CLUAP1: variants seen among roughly 807,000 people sequenced by gnomAD.
The protein encoded by CLUAP1 is intraflagellar transport 38, also known as clusterin-associated protein 1.
A neutral mutation model predicts 55.0 loss-of-function variants in CLUAP1; 50 were observed. The ratio of observed to expected loss-of-function variants is 0.91; its 90% CI spans 0.72 to 1.15. The LOEUF (loss-of-function observed/expected upper bound fraction) is 1.15, where lower values mean the gene tolerates loss of function less well. CLUAP1 is among the 50% of genes most tolerant of loss of function. The pLI is 0.00. For missense variants in CLUAP1, 530 were observed against 507.6 expected (o/e 1.04, Z -0.42); for synonymous variants, 195 against 175.4 (o/e 1.11, Z -0.88).
At chr16:3,530,424 A>G in intron 9 of CLUAP1, 144 bp from the exon 10 acceptor site, 4 of 649,228 alleles carry the variant, frequency 6.2e-6, no homozygotes, top group South Asian at 5.3e-5. Context: ...TTTGCATTGC[A>G]TGGGATAAGG....
chr16:3,498,941 G>T (rs529734418), upstream of CLUAP1, among the ~76,000 whole-genome samples: 16 of 151,996 alleles, frequency 1.1e-4, no homozygotes, highest in African/African-American at 3.9e-4. Context: ...GAAAATATTG[G>T]CAAATCATAT....
At chr16:3,509,287 A>G (rs2037572320) in intron 4 of CLUAP1, among the ~76,000 whole-genome samples, 1 of 152,110 alleles carries the variant, frequency 6.6e-6, no homozygotes, top group Non-Finnish European at 1.5e-5. Flanking sequence ...GTTTGAGGAA[A>G]AGCAAGGAGG....
Position 3,526,478 on chromosome 16 carries a change from A to C in CLUAP1, c.922A>C (p.Ser308Arg), listed in dbSNP as rs757178516. ...LKEEEKRLLK[S>R]GSNDDSDIDI... The stretch of plus-strand genomic sequence containing the variant: ...GGAGGAAGAGAAGCGCCTGCTCAAG[A>C]GTGGAAGTAAGGCTGGGCTTCGTAG... Residue 308 changes from serine to arginine, a missense_variant, in exon 9 of 12, where the codon AGT (serine) becomes CGT (arginine). Physicochemically the swap from Ser to Arg is moderately radical, Grantham distance 110. Transcript: ENST00000576634. 6.2e-7 allele frequency: 1 copy of C among 1,605,816 alleles called. No homozygotes were observed. Among genetic ancestry groups the C allele is most frequent in the South Asian group, 1.1e-5 (1 of 89,306 alleles).
chr16:3,500,872 C>T (rs1260824930), upstream of CLUAP1: 10 of 609,964 alleles, frequency 1.6e-5, no homozygotes, highest in Middle Eastern at 4.4e-4. Flanking sequence ...CCCTCGGCGT[C>T]TCAGGAGCGC....
upstream of CLUAP1, chr16:3,496,308 C>T: frequency 3.1e-6 from 3 of 970,666 alleles, no homozygotes; most frequent in Non-Finnish European, 4.8e-6. Flanking sequence ...TACAGGTTAC[C>T]GTCCAGACGA....
intron 8 of CLUAP1, among the ~76,000 whole-genome samples, chr16:3,525,976 T>G (rs945719842): frequency 6.6e-5 from 10 of 152,186 alleles, no homozygotes; most frequent in Admixed American, 6.5e-5. Flanking sequence ...TAGCATCTTT[T>G]GAGCTGGAAT....
intron 11 of CLUAP1, chr16:3,533,233 G>A: frequency 8.8e-7 from 1 of 1,138,138 alleles, no homozygotes; most frequent in Non-Finnish European, 1.3e-6. Flanking sequence ...CTCTCCCTAG[G>A]AGTGATGCTT....
intron 4 of CLUAP1, 71 bp downstream of exon 4, chr16:3,508,539 T>C (rs1170665475): frequency 6.7e-6 from 9 of 1,350,270 alleles, no homozygotes; most frequent in African/African-American, 3.1e-5. Flanking sequence ...GGAAGGAGTC[T>C]GCTACAGCTC....
intron 5 of CLUAP1, among the ~76,000 whole-genome samples, chr16:3,515,205 AAAAG>A (rs2037707015): frequency 6.6e-6 from 1 of 152,040 alleles, no homozygotes; most frequent in African/African-American, 2.4e-5. Flanking sequence ...AAAAAAAAAA[AAAAG>A]AAGCAGCAGC....
chr16:3,496,623 C>G, upstream of CLUAP1: 2 of 532,452 alleles, frequency 3.8e-6, no homozygotes, highest in Admixed American at 3.9e-5. Flanking sequence ...GTCCTACTCT[C>G]CGGTCTTCGC....
rs773283495 is a variant in CLUAP1 at position 3,506,402 on chromosome 16, T to C, written c.206T>C (p.Ile69Thr). ...GACCGAGTTTTCTTCATTAAGGCAA[T>C]TGCCCAGTTCATGGTTAGTGGACAC... The part of the protein sequence containing the change: ...EQDRVFFIKA[I>T]AQFMATKAHI... Residue 69 changes from isoleucine (I) to threonine (T), a missense_variant, in exon 3 of 12, where the codon ATT becomes ACT. By Grantham distance (89) the Ile-to-Thr change is moderately conservative. Transcript: ENST00000576634. The C allele has an allele frequency of 3.7e-6, 6 of 1,613,658 alleles. 1 individual carries two copies. The South Asian group carries it at 6.6e-5, about 18-fold the overall frequency.
At chr16:3,514,086 C>G (rs576001443) in intron 5 of CLUAP1, among the ~76,000 whole-genome samples, 22 of 152,328 alleles carry the variant, frequency 1.4e-4, no homozygotes, top group African/African-American at 5.3e-4. Context: ...TAAGGTACCT[C>G]CAGGCTTTCC....
chr16:3,533,399 A>G, intron 11 of CLUAP1: 1 of 532,352 alleles, frequency 1.9e-6, no homozygotes, highest in South Asian at 2.2e-5. Flanking sequence ...GCCACCTAGA[A>G]ATGAAGGAGG....
intron 3 of CLUAP1, among the ~76,000 whole-genome samples, chr16:3,506,627 C>T (rs1054873092): frequency 1.4e-4 from 22 of 151,908 alleles, no homozygotes; most frequent in African/African-American, 4.6e-4. Flanking sequence ...CTCAGCCTCC[C>T]GAGTAGCTAG....
Position 3,537,284 on chromosome 16 carries a change from A to C in CLUAP1, c.*1013A>C, listed in dbSNP as rs536524852. ...AAAAACAACAACACAGGATTGAATTAAGTAGAGTAATAGCACTAGAAGAAT... is the reference window on the plus strand; with the variant it reads ...AAAAACAACAACACAGGATTGAATTCAGTAGAGTAATAGCACTAGAAGAAT... On this transcript the variant is annotated 3_prime_UTR_variant, in exon 12 of 12. Transcript: ENST00000576634. The C allele has an allele frequency of 2.6e-5, 4 of 152,332 alleles. No homozygotes were observed. The highest frequency in any genetic ancestry group is 9.6e-5 in the African/African-American group (4 of 41,572). The allele number at this position is 152,332 out of a possible 1,614,324, so 9.4% of individuals were successfully genotyped here. A position where few individuals can be genotyped will look rare whatever the true frequency, so the allele number is the denominator to read the frequency against.
At chr16:3,497,773 A>C (rs1450625781), upstream of CLUAP1, among the ~76,000 whole-genome samples, 1 of 152,088 alleles carries the variant, frequency 6.6e-6, no homozygotes, top group Non-Finnish European at 1.5e-5. Context: ...ACAGGTGTGC[A>C]CCACCAGGCC....
chr16:3,533,381 C>A, intron 11 of CLUAP1: 1 of 549,744 alleles, frequency 1.8e-6, no homozygotes, highest in Non-Finnish European at 3.3e-6. Flanking sequence ...ATCCTCAGGC[C>A]CTGGGCCGCC....
At chr16:3,512,659 CTTTATTTA>C (rs928852406) in intron 5 of CLUAP1, among the ~76,000 whole-genome samples, 181 bp downstream of exon 5, 31 of 152,162 alleles carry the variant, frequency 2.0e-4, no homozygotes, top group African/African-American at 7.0e-4. Context: ...ACTGGTCTAG[CTTTATTTA>C]TTTATTTATT....
chr16:3,502,275 G>C (rs115232415), intron 1 of CLUAP1, among the ~76,000 whole-genome samples: 13 of 151,628 alleles, frequency 8.6e-5, no homozygotes, highest in Non-Finnish European at 1.6e-4. Flanking sequence ...AAACCCTGCC[G>C]CTGCTAAAAA....
Sources: allele counts gnomAD v4.1 joint callset (sites outside exome capture counted in the v4.1 genomes callset), GRCh38; gene constraint gnomAD v4.1.1; transcripts MANE v1.5; gene names NCBI Gene and HGNC (gene_info 2026-07-23, HGNC 2026-07-21).